Variants in C12orf54 observed in about 807,000 individuals in gnomAD.
C12orf54 encodes the protein chromosome 12 open reading frame 54.
In C12orf54, 24 loss-of-function variants were observed where a neutral mutation model predicts 26.4. That is an observed-to-expected ratio of 0.91 (90% CI 0.66 to 1.28). The LOEUF (loss-of-function observed/expected upper bound fraction) is 1.28. Among genes scored for constraint, C12orf54 ranks in the 50% most tolerant of loss-of-function variants. C12orf54 has a pLI of 0.00. For missense variants in C12orf54, 154 were observed against 150.9 expected (o/e 1.02, Z -0.11); for synonymous variants, 54 against 47.0 (o/e 1.15, Z -0.61).
intron 8 of C12orf54, among the ~76,000 whole-genome samples, chr12:48,495,287 G>C (rs1353220701): frequency 6.6e-6 from 1 of 152,152 alleles, no homozygotes; most frequent in Admixed American, 6.5e-5. Context: ...ATCAGGGACA[G>C]ACAATTGTTG....
intron 6 of C12orf54, among the ~76,000 whole-genome samples, chr12:48,491,256 C>G (rs1431739406): frequency 6.6e-6 from 1 of 152,178 alleles, no homozygotes; most frequent in Non-Finnish European, 1.5e-5. Context: ...GCCCTGCTTC[C>G]CAGTTCATAG....
the C12orf54 span, among the ~76,000 whole-genome samples, chr12:48,451,933 C>T: frequency 2.0e-5 from 3 of 152,162 alleles, no homozygotes; most frequent in East Asian, 1.9e-4. Flanking sequence ...AGATTCAATG[C>T]TATTCCCATT....
chr12:48,492,912 T>C (rs544039018), intron 6 of C12orf54, 35 bp from the exon 7 acceptor site: 1 of 1,597,868 alleles, frequency 6.3e-7, no homozygotes, highest in African/African-American at 1.3e-5. Flanking sequence ...TCCAGGCCCC[T>C]GTAACAGAAT....
chr12:48,438,297 A>G, the C12orf54 span, among the ~76,000 whole-genome samples: 1 of 152,256 alleles, frequency 6.6e-6, no homozygotes. Flanking sequence ...ATTGGTAGGA[A>G]GAATCAATAT....
the C12orf54 span, among the ~76,000 whole-genome samples, chr12:48,439,950 C>T: frequency 2.6e-5 from 4 of 152,158 alleles, no homozygotes; most frequent in African/African-American, 9.6e-5. Flanking sequence ...CTTGGCCAGT[C>T]ACGGTGGCTC....
the C12orf54 span, among the ~76,000 whole-genome samples, chr12:48,432,266 C>T: frequency 6.6e-6 from 1 of 152,050 alleles, no homozygotes; most frequent in South Asian, 2.1e-4. Flanking sequence ...TATTGTGTGA[C>T]AGACACTATA....
chr12:48,437,419 C>G, the C12orf54 span, among the ~76,000 whole-genome samples: 116 of 152,198 alleles, frequency 7.6e-4, no homozygotes, highest in African/African-American at 2.5e-3. Flanking sequence ...GCATCATCCT[C>G]ATACCAAAGC....
chr12:48,424,939 T>A, the C12orf54 span, among the ~76,000 whole-genome samples: 72 of 152,238 alleles, frequency 4.7e-4, no homozygotes, highest in Admixed American at 2.2e-3. Flanking sequence ...AACAATCTGT[T>A]GCAATGGAAA....
At chr12:48,466,981 A>G in the C12orf54 span, among the ~76,000 whole-genome samples, 2 of 152,208 alleles carry the variant, frequency 1.3e-5, no homozygotes, top group Non-Finnish European at 2.9e-5. Flanking sequence ...ATGTATATGT[A>G]GTGATGTGAA....
chr12:48,451,063 A>G, the C12orf54 span, among the ~76,000 whole-genome samples: 1 of 152,306 alleles, frequency 6.6e-6, no homozygotes, highest in South Asian at 2.1e-4. Flanking sequence ...TCCTTGATGA[A>G]CATCAAAGAA....
the C12orf54 span, among the ~76,000 whole-genome samples, chr12:48,438,325 G>T: frequency 4.6e-5 from 7 of 152,152 alleles, no homozygotes; most frequent in South Asian, 2.1e-4. Flanking sequence ...ATGGCCATAC[G>T]GCCCAAGATA....
At chr12:48,473,149 G>A in the C12orf54 span, 1 of 1,576,388 alleles carries the variant, frequency 6.3e-7, no homozygotes, top group Non-Finnish European at 8.7e-7. Context: ...GATGGTGAGG[G>A]CTTTGTGGAG....
At chr12:48,472,758 G>A in the C12orf54 span, 1 of 1,614,126 alleles carries the variant, frequency 6.2e-7, no homozygotes, top group East Asian at 2.2e-5. Context: ...GTCAAATGAA[G>A]GCAAATTGGA....
the C12orf54 span, among the ~76,000 whole-genome samples, chr12:48,463,811 C>T: frequency 6.6e-6 from 1 of 151,956 alleles, no homozygotes; most frequent in African/African-American, 2.4e-5. Flanking sequence ...ATCACGTAAA[C>T]AGAACTAAAG....
At chr12:48,473,271 G>T in the C12orf54 span, 1 of 1,076,842 alleles carries the variant, frequency 9.3e-7, no homozygotes, top group Non-Finnish European at 1.4e-6. Flanking sequence ...AGAGGAGGAC[G>T]TGAGTGGAGA....
At chr12:48,434,586 G>A in the C12orf54 span, among the ~76,000 whole-genome samples, 1 of 152,338 alleles carries the variant, frequency 6.6e-6, no homozygotes, top group African/African-American at 2.4e-5. Context: ...TGATCAGGCA[G>A]CAGCATTTGC....
chr12:48,453,242 C>A, the C12orf54 span, among the ~76,000 whole-genome samples: 3 of 151,978 alleles, frequency 2.0e-5, no homozygotes, highest in Non-Finnish European at 2.9e-5. Context: ...CAGGAACAGA[C>A]AACCAAACAC....
the C12orf54 span, among the ~76,000 whole-genome samples, chr12:48,426,137 T>C: frequency 6.6e-6 from 1 of 152,242 alleles, no homozygotes; most frequent in African/African-American, 2.4e-5. Flanking sequence ...GCTTTTGGCA[T>C]CTTTATCATG....
At chr12:48,481,088 T>C (rs1381833792), upstream of C12orf54, among the ~76,000 whole-genome samples, 3 of 152,158 alleles carry the variant, frequency 2.0e-5, no homozygotes, top group African/African-American at 7.2e-5. Context: ...AGCTTCCTAT[T>C]GGGTACTATG....
Sources: gnomAD v4.1 joint callset for allele counts (sites outside exome capture counted in the v4.1 genomes callset) on GRCh38, gnomAD v4.1.1 for gene constraint, MANE v1.5 for transcripts, NCBI Gene and HGNC (gene_info 2026-07-23, HGNC 2026-07-21) for gene names.